The following RNF150 variants were observed in gnomAD, a reference collection of about 807,000 sequenced individuals.
RNF150 encodes ring finger protein 150.
Under a neutral mutation model 39.3 loss-of-function variants are expected in RNF150, and 24 were observed. That is an observed-to-expected ratio of 0.61 (90% CI 0.44 to 0.86). RNF150 has a LOEUF of 0.86. Among genes scored for constraint, RNF150 ranks in the 40% least tolerant of loss-of-function variants. The pLI is 0.00. For missense variants in RNF150, 502 were observed against 587.8 expected (o/e 0.85, Z 1.51); for synonymous variants, 255 against 227.3 (o/e 1.12, Z -1.10).
chr4:140,893,360 TATC>T (rs1729826657), intron 6 of RNF150, among the ~76,000 whole-genome samples: 1 of 152,210 alleles, frequency 6.6e-6, no homozygotes, highest in Admixed American at 6.5e-5. Flanking sequence ...AATCTGAAGA[TATC>T]ATGTTGATTT....
chr4:140,945,910 C>T (rs577987226), intron 4 of RNF150, among the ~76,000 whole-genome samples: 7 of 151,982 alleles, frequency 4.6e-5, no homozygotes, highest in Non-Finnish European at 1.0e-4. Context: ...ATCTAAGAGG[C>T]TTTATAAAAC....
intron 1 of RNF150, among the ~76,000 whole-genome samples, chr4:141,080,525 C>T (rs7441737): frequency 0.75 from 114,062 of 151,896 alleles, 43,411 homozygotes; most frequent in East Asian, 1. Flanking sequence ...AGTTTCATTT[C>T]ATATTCCTTA....
At chr4:141,140,271 T>G (rs1196902982) in intron 1 of RNF150, among the ~76,000 whole-genome samples, 1 of 152,248 alleles carries the variant, frequency 6.6e-6, no homozygotes, top group Non-Finnish European at 1.5e-5. Flanking sequence ...AAATATCCTT[T>G]TTTCTTTTTT....
At chr4:141,062,620 G>T (rs1436977198) in intron 1 of RNF150, among the ~76,000 whole-genome samples, 1 of 151,884 alleles carries the variant, frequency 6.6e-6, no homozygotes, top group Non-Finnish European at 1.5e-5. Context: ...TCCTAGGCAG[G>T]GATTTGTTCT....
chr4:141,115,229 A>C (rs184735933), intron 1 of RNF150, among the ~76,000 whole-genome samples: 1 of 152,358 alleles, frequency 6.6e-6, no homozygotes, highest in African/African-American at 2.4e-5. Context: ...ACATGATTGT[A>C]TGTTTAGAAA....
intron 1 of RNF150, among the ~76,000 whole-genome samples, chr4:141,041,930 C>T (rs2110860966): frequency 6.6e-6 from 1 of 152,048 alleles, no homozygotes; most frequent in East Asian, 1.9e-4. Flanking sequence ...AATATATAAT[C>T]TAATTTATTT....
intron 1 of RNF150, among the ~76,000 whole-genome samples, chr4:141,164,039 G>A (rs1727558575): frequency 1.3e-5 from 2 of 151,914 alleles, no homozygotes; most frequent in African/African-American, 4.8e-5. Flanking sequence ...TCCAATGCAA[G>A]GAAGCTAAGA....
rs1320181382 is a variant in RNF150, at chr4:141,029,307, C to A, written c.485-61434G>T. Among the ~76,000 whole-genome samples, 2 of 152,242 alleles carry A rather than the reference C, an allele frequency of 1.3e-5. 1 individual carries two copies. The highest frequency in any genetic ancestry group is 4.2e-4 in the South Asian group (2 of 4,814). On this transcript the variant is annotated intron_variant, in intron 1 of 6. Transcript: ENST00000515673. ...AATTCCAAGCAACTTCCAGATGGTT[C>A]CTGCTGGTATACCTTATATTTTTTC...
intron 1 of RNF150, among the ~76,000 whole-genome samples, chr4:141,029,842 A>G (rs1437384295): frequency 6.6e-6 from 1 of 152,218 alleles, no homozygotes; most frequent in East Asian, 1.9e-4. Flanking sequence ...ACAAGTAACT[A>G]AAAAATGGGC....
chr4:141,000,077 GAAGAAGAAGGAGA>G, intron 1 of RNF150, among the ~76,000 whole-genome samples: 3 of 80,522 alleles, frequency 3.7e-5, no homozygotes, highest in African/African-American at 1.5e-4. Context: ...AGAAGAAGAA[GAAGAAGAAGGAGA>G]AGAAGAAGAA....
At chr4:141,121,722 C>G (rs116788367) in intron 1 of RNF150, among the ~76,000 whole-genome samples, 1,536 of 151,958 alleles carry the variant, frequency 0.01, 18 homozygotes, top group Non-Finnish European at 0.015. Context: ...CAACACTGTC[C>G]CTGCCCTCAT....
intron 6 of RNF150, among the ~76,000 whole-genome samples, chr4:140,872,959 T>C (rs1729007000): frequency 6.6e-6 from 1 of 152,064 alleles, no homozygotes; most frequent in Non-Finnish European, 1.5e-5. Context: ...TGAGAGGTTT[T>C]TGTTTTTGTT....
chr4:141,194,545 T>C (rs1038016124), intron 1 of RNF150, among the ~76,000 whole-genome samples: 2 of 152,164 alleles, frequency 1.3e-5, no homozygotes, highest in Admixed American at 6.5e-5. Flanking sequence ...TTAGGTTGAT[T>C]TGAAAAAAAT....
At chr4:141,022,829 T>C (rs1395036545) in intron 1 of RNF150, among the ~76,000 whole-genome samples, 2 of 152,224 alleles carry the variant, frequency 1.3e-5, no homozygotes, top group East Asian at 3.8e-4. Flanking sequence ...CAAAAAATTT[T>C]CTGGAAAAGT....
chr4:141,031,013 T>C (rs1164192093), intron 1 of RNF150, among the ~76,000 whole-genome samples: 1 of 151,976 alleles, frequency 6.6e-6, no homozygotes, highest in African/African-American at 2.4e-5. Context: ...AACAATCCTA[T>C]TGGCAAACAA....
rs542062699 is a variant in RNF150, at chr4:141,019,676, C to A, written c.485-51803G>T. ...TGCATATGAAAACCTTTCCACATTT[C>A]CAAGTCTGGTAAGAGCAAATATCTC... On this transcript the variant is annotated intron_variant, in intron 1 of 6. Coordinates refer to ENST00000515673, the MANE Select transcript of RNF150 (RefSeq NM_020724.2). 6.6e-5 allele frequency among the ~76,000 whole-genome samples: 10 copies of A among 152,258 alleles called. No individual in the cohort carries two copies. In the South Asian group the frequency reaches 2.1e-3, roughly 32 times the overall value.
intron 6 of RNF150, among the ~76,000 whole-genome samples, chr4:140,902,146 G>A (rs1730210844): frequency 6.6e-6 from 1 of 152,176 alleles, no homozygotes; most frequent in Non-Finnish European, 1.5e-5. Context: ...GACACAGGGA[G>A]ATAAGAGCTG....
At chr4:141,157,203 G>C (rs183362022) in intron 1 of RNF150, among the ~76,000 whole-genome samples, 1 of 151,922 alleles carries the variant, frequency 6.6e-6, no homozygotes, top group Admixed American at 6.6e-5. Context: ...CAGGTGTCAC[G>C]TGCACAATAT....
chr4:140,946,585 C>T (rs1437911461), intron 4 of RNF150, among the ~76,000 whole-genome samples: 2 of 152,120 alleles, frequency 1.3e-5, no homozygotes, highest in Non-Finnish European at 2.9e-5. Flanking sequence ...CTCCTGGGCT[C>T]AAGGGATCCT....
Sources: allele counts gnomAD v4.1 joint callset (sites outside exome capture counted in the v4.1 genomes callset), GRCh38; gene constraint gnomAD v4.1.1; transcripts MANE v1.5; gene names NCBI Gene and HGNC (gene_info 2026-07-23, HGNC 2026-07-21).